PCDH17: variants seen among roughly 807,000 people sequenced by gnomAD.
PCDH17 encodes protocadherin-17.
In PCDH17, 21 loss-of-function variants were observed where a neutral mutation model predicts 67.7. That is an observed-to-expected ratio of 0.31 (90% confidence interval 0.22 to 0.45). The LOEUF is 0.45. Ranked by LOEUF, PCDH17 falls within the 20% of genes least tolerant of loss-of-function variation. The probability of loss-of-function intolerance (pLI) is 1.00; values close to 1 mark genes in which losing one functional copy is unlikely to be tolerated. For synonymous variants in PCDH17, 701 were observed against 656.7 expected (o/e 1.07, Z -1.03); for missense variants, 1,471 against 1,564.8 (o/e 0.94, Z 1.01).
In PCDH17 at chr13:57,725,300, GAA is replaced by G. The variant is rs5803842; in HGVS notation, c.*16_*17del. ...CTGTGGCTGTGAGAAAGTGAAAAAA[GAA>G]AAAAAAAAAGGCATTGGCATTTTCT... On this transcript the variant is annotated 3_prime_UTR_variant, in exon 4 of 4. Coordinates refer to ENST00000377918, the MANE Select transcript of PCDH17 (RefSeq NM_001040429.3). 6 of 1,382,092 alleles carry G rather than the reference GAA, an allele frequency of 4.3e-6. No individual in the cohort carries two copies. The highest frequency in any genetic ancestry group is 3.9e-6 in the Non-Finnish European group (4 of 1,023,358). The allele number at this position is 1,382,092 out of a possible 1,614,324, so 85.6% of individuals were successfully genotyped here.
intron 3 of PCDH17, among the ~76,000 whole-genome samples, chr13:57,687,280 T>C (rs1248422133): frequency 6.6e-6 from 1 of 152,010 alleles, no homozygotes; most frequent in African/African-American, 2.4e-5. Context: ...AATTAAGGAA[T>C]TTGAAAGTGA....
At position 57,632,507 on chromosome 13, in the gene PCDH17, T is replaced by C. The variant is rs530485413; in HGVS notation, c.-40T>C. ...TGGCGCGCACTCCCTCTCTGGCTCC[T>C]CCAGTCCGATTGCTCCTGCCCCCAC... On this transcript the variant is annotated 5_prime_UTR_variant, in exon 1 of 4. Coordinates refer to ENST00000377918, the MANE Select transcript of PCDH17 (RefSeq NM_001040429.3). 409 of 1,585,578 alleles carry C rather than the reference T, an allele frequency of 2.6e-4. No individual in the cohort carries two copies. Among genetic ancestry groups the C allele is most frequent in the Non-Finnish European group, 2.6e-5 (30 of 1,165,726 alleles).
rs761228465 is a variant in PCDH17, at chr13:57,635,008, A to G, written c.2462A>G (p.Asn821Ser). 6.4e-5 allele frequency: 103 copies of G among 1,613,532 alleles called. No homozygotes were observed. Among genetic ancestry groups the G allele is most frequent in the Non-Finnish European group, 7.6e-6 (9 of 1,179,998 alleles). The change falls in exon 1 of 4, where the codon AAC becomes AGC. Residue 821 changes from asparagine to serine, a missense_variant. By Grantham distance (46) the Asn-to-Ser change is conservative. Coordinates refer to ENST00000377918, the MANE Select transcript of PCDH17 (RefSeq NM_001040429.3). ...GTGATGTATCTCAAACCGGCCTCCAACAACCTGACTGTCCCTCAGGGGCAC... is the reference window on the plus strand; with the variant it reads ...GTGATGTATCTCAAACCGGCCTCCAGCAACCTGACTGTCCCTCAGGGGCAC... ...SEVMYLKPAS[N>S]NLTVPQGHAG... is the part of the protein sequence containing the mutation.
Position 57,632,804 on chromosome 13 carries a change from C to T in PCDH17, c.258C>T (p.Thr86=). The T allele has an allele frequency of 6.2e-7, 1 of 1,613,548 alleles. No homozygotes were observed. The highest frequency in any genetic ancestry group is 8.5e-7 in the Non-Finnish European group (1 of 1,179,974). The change falls in exon 1 of 4, where the codon ACC becomes ACT. Residue 86 remains threonine, a synonymous_variant. Transcript: ENST00000377918. ...DVDADSGLLY[T]KQRIDRESLC... ...ACGCAGACAGCGGGCTCCTCTACAC[C>T]AAGCAGCGCATCGACCGCGAGTCCC... is the stretch of plus-strand genomic sequence containing the variant.
chr13:57,710,503 T>C (rs1053777142), intron 3 of PCDH17, among the ~76,000 whole-genome samples: 10 of 151,822 alleles, frequency 6.6e-5, no homozygotes, highest in African/African-American at 1.7e-4. Flanking sequence ...TCAGATAATC[T>C]TGGAAAACAC....
chr13:57,683,292 C>T (rs1955473237), intron 3 of PCDH17, among the ~76,000 whole-genome samples: 1 of 151,732 alleles, frequency 6.6e-6, no homozygotes, highest in South Asian at 2.1e-4. Flanking sequence ...TTAAGAACTT[C>T]CATCAGGTTT....
Position 57,632,203 on chromosome 13 carries a change from C to T in PCDH17, c.-344C>T, listed in dbSNP as rs887186582. 2.0e-5 allele frequency: 7 copies of T among 358,824 alleles called. No individual in the cohort carries two copies. The Admixed American group carries it at 2.8e-4, about 14-fold the overall frequency. 22.2% of individuals were successfully genotyped at this position (358,824 alleles called of 1,614,324 possible). ...GACGAGATTTCCTTCTTATCGCCTG[C>T]CTCATCGCTCAAGTTTGAGCCTCCC... On this transcript the variant is annotated 5_prime_UTR_variant, in exon 1 of 4. Transcript: ENST00000377918.
At chr13:57,704,632 A>G (rs1427314893) in intron 3 of PCDH17, among the ~76,000 whole-genome samples, 1 of 151,740 alleles carries the variant, frequency 6.6e-6, no homozygotes, top group Non-Finnish European at 1.5e-5. Context: ...ATTGGAAGCC[A>G]TTATTTGAAA....
chr13:57,702,260 CT>C (rs1955673111), intron 3 of PCDH17, among the ~76,000 whole-genome samples: 1 of 151,968 alleles, frequency 6.6e-6, no homozygotes, highest in Admixed American at 6.6e-5. Context: ...AAATAAATGG[CT>C]TTCACTTGCA....
chr13:57,677,868 A>G (rs1290572184), intron 3 of PCDH17, among the ~76,000 whole-genome samples: 1 of 151,792 alleles, frequency 6.6e-6, no homozygotes, highest in African/African-American at 2.4e-5. Flanking sequence ...AGAAGTAGAG[A>G]GTCAAATGGT....
rs1955259084 is a variant in PCDH17 at position 57,666,650 on chromosome 13, A to G, written c.2625-11A>G. On this transcript the variant is annotated splice_polypyrimidine_tract_variant and intron_variant, in intron 2 of 3. Transcript: ENST00000377918. Reference sequence around the variant, plus strand: ...AACACTTTCTCTTCTTTTTCTTTATATGTATTTCAGTAGCTCCACGTTTAA... The same window carrying G: ...AACACTTTCTCTTCTTTTTCTTTATGTGTATTTCAGTAGCTCCACGTTTAA... The G allele has an allele frequency of 1.2e-6, 2 of 1,609,490 alleles. No individual in the cohort carries two copies. Among genetic ancestry groups the G allele is most frequent in the Non-Finnish European group, 1.7e-6 (2 of 1,177,614 alleles).
chr13:57,656,116 A>C (rs918769153), intron 1 of PCDH17, among the ~76,000 whole-genome samples: 5 of 152,098 alleles, frequency 3.3e-5, no homozygotes, highest in African/African-American at 1.2e-4. Flanking sequence ...TTTATCTCCT[A>C]GGGCAATTGA....
chr13:57,714,561 T>C (rs1020159770), intron 3 of PCDH17, among the ~76,000 whole-genome samples: 6 of 151,762 alleles, frequency 4.0e-5, no homozygotes, highest in African/African-American at 1.4e-4. Context: ...GATAGTAGAA[T>C]ACTTAAACAG....
At chr13:57,670,748 G>T (rs1413093988) in intron 3 of PCDH17, among the ~76,000 whole-genome samples, 2 of 151,580 alleles carry the variant, frequency 1.3e-5, no homozygotes, top group East Asian at 1.9e-4. Flanking sequence ...GGCCTTTTGA[G>T]ATTTTATTTT....
chr13:57,633,774 G>A lies in PCDH17; in HGVS notation c.1228G>A (p.Val410Ile). Residue 410 changes from valine to isoleucine, a missense_variant, in exon 1 of 4, where the codon GTC (valine) becomes ATC (isoleucine). Val to Ile is a conservative substitution (Grantham distance 29). Around this residue, in one of 3 missense-constraint regions of PCDH17, gnomAD observed 1,163 missense variants for 1,230.0 expected, o/e 0.95. Transcript: ENST00000377918. The surrounding 1 kb of genome is among the most constrained non-coding windows in gnomAD (Gnocchi z 6.2). ...GGGCCTGGGCGGGCCCGGGGGTTCC[G>A]TCCCCTTCAAGCTTGAGGAGAACTA... Reference protein sequence around the residue: ...GGGLGGPGGSVPFKLEENYDN... With the variant: ...GGGLGGPGGSIPFKLEENYDN... 1.9e-6 allele frequency: 3 copies of A among 1,598,408 alleles called. No homozygotes were observed.
At chr13:57,682,076 G>C (rs1338504549) in intron 3 of PCDH17, among the ~76,000 whole-genome samples, 1 of 151,510 alleles carries the variant, frequency 6.6e-6, no homozygotes, top group African/African-American at 2.4e-5. Flanking sequence ...CACATACTTG[G>C]TTAAACTCCA....
intron 3 of PCDH17, among the ~76,000 whole-genome samples, chr13:57,718,400 T>A (rs1248480299): frequency 2.0e-5 from 3 of 151,942 alleles, no homozygotes; most frequent in Non-Finnish European, 2.9e-5. Context: ...GAAAGCAAAA[T>A]TTTTACTCCT....
At chr13:57,693,486 G>A (rs956011753) in intron 3 of PCDH17, among the ~76,000 whole-genome samples, 11 of 149,320 alleles carry the variant, frequency 7.4e-5, no homozygotes, top group Non-Finnish European at 1.5e-4. Context: ...GGTTAGAGTG[G>A]ATGTGAGTCC....
At chr13:57,700,773 T>C (rs1955655689) in intron 3 of PCDH17, among the ~76,000 whole-genome samples, 1 of 152,180 alleles carries the variant, frequency 6.6e-6, no homozygotes, top group African/African-American at 2.4e-5. Context: ...CAGTCAGTCA[T>C]GCACATTAAA....
Sources: allele counts gnomAD v4.1 joint callset (sites outside exome capture counted in the v4.1 genomes callset), GRCh38; gene constraint gnomAD v4.1.1; regional missense constraint gnomAD v4.1.1; non-coding constraint Gnocchi (gnomAD v3.1); transcripts MANE v1.5; gene names NCBI Gene and HGNC (gene_info 2026-07-23, HGNC 2026-07-21).